Variants in TRIO observed in about 807,000 individuals in gnomAD.
TRIO encodes triple functional domain protein.
TRIO carries 58 observed loss-of-function variants against 351.9 expected under a neutral mutation model. The observed-to-expected ratio is 0.16, with a 90% CI of 0.13 to 0.21. TRIO has a LOEUF of 0.21. Ranked by LOEUF, TRIO falls within the 10% of genes least tolerant of loss-of-function variation. The probability of loss-of-function intolerance (pLI) is 1.00; values close to 1 mark genes in which losing one functional copy is unlikely to be tolerated. For synonymous variants in TRIO, 1,758 were observed against 1,595.7 expected, an observed-to-expected ratio of 1.10 and a Z score of -2.42; for missense variants, 3,201 against 4,027.8, an observed-to-expected ratio of 0.79 and a Z score of 5.56.
At chr5:14,442,979 A>C (rs559248894) in intron 34 of TRIO, among the ~76,000 whole-genome samples, 37 of 152,380 alleles carry the variant, frequency 2.4e-4, no homozygotes, top group African/African-American at 8.7e-4. Context: ...ATTTTTCTAA[A>C]GAGTAATGGA....
At chr5:14,280,521 G>A in intron 3 of TRIO, 85 bp downstream of exon 3, 1 of 1,191,068 alleles carries the variant, frequency 8.4e-7, no homozygotes, top group Non-Finnish European at 1.2e-6. Flanking sequence ...CAGCTAAATT[G>A]TAGCCTGCAT....
Position 14,401,023 on chromosome 5 carries a change from G to T in TRIO, c.4675G>T (p.Val1559Leu). Residue 1559 changes from valine to leucine, a missense_variant, in exon 31 of 57, where the codon GTG becomes TTG. Val to Leu is a conservative substitution (Grantham distance 32). Around this residue, in one of 19 missense-constraint regions of TRIO, gnomAD observed 136 missense variants for 229.5 expected, o/e 0.59. Transcript: ENST00000344204. ...EGDPCKFALW[V>L]GRTPTSDNKI... ...AGACCCTTGCAAATTTGCACTGTGG[G>T]TGGGGAGAACACCAACTTCAGATAA... The T allele has an allele frequency of 1.2e-6, 2 of 1,614,140 alleles. No homozygotes were observed. The highest frequency in any genetic ancestry group is 2.2e-5 in the South Asian group (2 of 91,054).
chr5:14,303,977 T>A (rs185849586), intron 7 of TRIO, among the ~76,000 whole-genome samples: 29 of 152,326 alleles, frequency 1.9e-4, no homozygotes, highest in Admixed American at 5.2e-4. Flanking sequence ...CTGGAACTTT[T>A]TCATTACATC....
chr5:14,354,514 A>G (rs1314576910), intron 11 of TRIO, among the ~76,000 whole-genome samples: 4 of 152,164 alleles, frequency 2.6e-5, no homozygotes, highest in Non-Finnish European at 5.9e-5. Context: ...TGCAGGTTCA[A>G]TATTTGGGTC....
At chr5:14,467,356 T>A (rs1754334773) in intron 37 of TRIO, among the ~76,000 whole-genome samples, 1 of 152,162 alleles carries the variant, frequency 6.6e-6, no homozygotes, top group Admixed American at 6.5e-5. Context: ...CTGAGTCAAA[T>A]GGGAATTATA....
In TRIO at chr5:14,301,782, T is replaced by G. The variant is rs537407181; in HGVS notation, c.1369-2679T>G. Among the ~76,000 whole-genome samples, 3 of 152,308 alleles carry G rather than the reference T, an allele frequency of 2.0e-5. No individual in the cohort carries two copies. The South Asian group carries it at 6.2e-4, about 32-fold the overall frequency. Reference sequence around the variant, plus strand: ...GTTCCATGCATCTCGGAACGGGGATTGCTGTGCTGGTGCTGTTGGTTTCAC... The same window carrying G: ...GTTCCATGCATCTCGGAACGGGGATGGCTGTGCTGGTGCTGTTGGTTTCAC... On this transcript the variant is annotated intron_variant, in intron 7 of 56. Coordinates refer to ENST00000344204, the MANE Select transcript of TRIO (RefSeq NM_007118.4).
chr5:14,369,657 C>A, intron 18 of TRIO, 134 bp downstream of exon 18: 1 of 1,141,946 alleles, frequency 8.8e-7, no homozygotes, highest in Non-Finnish European at 1.2e-6. Context: ...GGGGCAGTGT[C>A]GCATCAGTGA....
rs1395252218 is a variant in TRIO, at chr5:14,419,019, G to T, written c.4960-759G>T. On this transcript the variant is annotated intron_variant, in intron 33 of 56. Coordinates refer to ENST00000344204, the MANE Select transcript of TRIO (RefSeq NM_007118.4). ...GGATGAGCTTTGAAGGACCGGAAGA[G>T]TTTCAGTAGGCCTAGGTGAGAGTGA... is the stretch of plus-strand genomic sequence containing the variant. Among the ~76,000 whole-genome samples the T allele has an allele frequency of 2.0e-5, 3 of 152,268 alleles. No individual in the cohort carries two copies. In the East Asian group the frequency reaches 5.8e-4, roughly 29 times the overall value.
intron 34 of TRIO, 24 bp from the exon 35 acceptor site, chr5:14,460,995 A>G: frequency 1.3e-6 from 2 of 1,528,540 alleles, no homozygotes; most frequent in Non-Finnish European, 1.8e-6. Context: ...AGTCAGTGAT[A>G]CTCCCTCTCT....
At chr5:14,423,915 C>T (rs1750394758) in intron 34 of TRIO, among the ~76,000 whole-genome samples, 1 of 150,586 alleles carries the variant, frequency 6.6e-6, no homozygotes, top group Admixed American at 6.6e-5. Context: ...CCCTCTCAGA[C>T]CCCATGGAAT....
intron 1 of TRIO, among the ~76,000 whole-genome samples, chr5:14,192,260 C>T (rs79291740): frequency 1.4e-4 from 17 of 120,106 alleles, no homozygotes; most frequent in South Asian, 4.9e-4. Context: ...TTTCCTTCTT[C>T]TTTTTTTTTT....
In TRIO at chr5:14,471,474, A is replaced by G; in HGVS notation, c.5912+8A>G. The G allele has an allele frequency of 6.2e-7, 1 of 1,613,944 alleles. No homozygotes were observed. The highest frequency in any genetic ancestry group is 8.5e-7 in the Non-Finnish European group (1 of 1,179,942). ...CTCTTTAAAGAGAAGACAGTAAGAC[A>G]GAAATGTTTTCATTCTTATTGTTCT... On this transcript the variant is annotated splice_region_variant and intron_variant, in intron 38 of 56. Coordinates refer to ENST00000344204, the MANE Select transcript of TRIO (RefSeq NM_007118.4).
intron 1 of TRIO, among the ~76,000 whole-genome samples, chr5:14,209,083 T>TA (rs1791717888): frequency 6.6e-6 from 1 of 152,232 alleles, no homozygotes; most frequent in Non-Finnish European, 1.5e-5. Context: ...CTGTTTCATC[T>TA]AGTCCTAAGA....
At chr5:14,213,343 C>T (rs245451) in intron 1 of TRIO, among the ~76,000 whole-genome samples, 128,110 of 148,660 alleles carry the variant, frequency 0.86, 55,347 homozygotes, top group East Asian at 0.99. Flanking sequence ...TATATTAATA[C>T]ATAAATATAT....
chr5:14,362,283 C>T (rs36077682), intron 13 of TRIO, among the ~76,000 whole-genome samples: 34,453 of 152,152 alleles, frequency 0.23, 4,513 homozygotes, highest in Middle Eastern at 0.36. Flanking sequence ...TTTATTCTTT[C>T]ACTCCTAATG....
intron 1 of TRIO, among the ~76,000 whole-genome samples, chr5:14,174,818 T>A (rs1237649884): frequency 2.0e-5 from 3 of 152,206 alleles, no homozygotes; most frequent in Non-Finnish European, 4.4e-5. Context: ...TTTTCGTGGA[T>A]CTCAATAAAA....
At chr5:14,270,288 C>T (rs1795905844) in intron 1 of TRIO, among the ~76,000 whole-genome samples, 1 of 152,104 alleles carries the variant, frequency 6.6e-6, no homozygotes, top group Non-Finnish European at 1.5e-5. Flanking sequence ...GGGGCATGAC[C>T]CAGAAAGCCT....
chr5:14,410,172 C>T (rs889933829), intron 33 of TRIO, among the ~76,000 whole-genome samples: 2 of 152,162 alleles, frequency 1.3e-5, no homozygotes, highest in East Asian at 1.9e-4. Context: ...TGGGATTAAA[C>T]GGCGTATGAG....
At chr5:14,334,739 G>A (rs1446703855) in intron 10 of TRIO, among the ~76,000 whole-genome samples, 3 of 152,252 alleles carry the variant, frequency 2.0e-5, no homozygotes, top group Admixed American at 6.5e-5. Context: ...CCGAGGTGAC[G>A]CTCAGCTGGG....
Sources: gnomAD v4.1 joint callset for allele counts (sites outside exome capture counted in the v4.1 genomes callset) on GRCh38, gnomAD v4.1.1 for gene constraint, gnomAD v4.1.1 regional missense constraint, MANE v1.5 for transcripts, NCBI Gene and HGNC (gene_info 2026-07-23, HGNC 2026-07-21) for gene names.